Variants in TBC1D10A observed in about 807,000 individuals in gnomAD.
TBC1D10A encodes EBP50-PDX interactor of 64 kDa.
Under a neutral mutation model 52.9 loss-of-function variants are expected in TBC1D10A, and 24 were observed. The observed-to-expected ratio is 0.45, with a 90% CI of 0.33 to 0.64. TBC1D10A has a LOEUF of 0.64. Among genes scored for constraint, TBC1D10A ranks in the 30% least tolerant of loss-of-function variants. The probability of loss-of-function intolerance (pLI) is 0.02; values close to 1 mark genes in which losing one functional copy is unlikely to be tolerated. For synonymous variants in TBC1D10A, 278 were observed against 282.9 expected (o/e 0.98, Z 0.17); for missense variants, 602 against 687.9 (o/e 0.88, Z 1.40).
At chr22:30,295,320 G>A (rs1930053891) in intron 4 of TBC1D10A, among the ~76,000 whole-genome samples, 3 of 152,202 alleles carry the variant, frequency 2.0e-5, no homozygotes. Flanking sequence ...GCCAGGGCGG[G>A]ATGTAAAGCT....
chr22:30,300,130 C>T (rs1930171027), intron 2 of TBC1D10A, among the ~76,000 whole-genome samples: 1 of 151,812 alleles, frequency 6.6e-6, no homozygotes, highest in Non-Finnish European at 1.5e-5. Flanking sequence ...ATTCCAGACC[C>T]TCATAACTAT....
chr22:30,307,383 C>T (rs1930330238), intron 1 of TBC1D10A, among the ~76,000 whole-genome samples: 1 of 152,204 alleles, frequency 6.6e-6, no homozygotes, highest in Non-Finnish European at 1.5e-5. Context: ...TGCTGGAACT[C>T]CTCCAGGGAT....
At chr22:30,310,660 C>T (rs1233663159) in intron 1 of TBC1D10A, among the ~76,000 whole-genome samples, 1 of 152,112 alleles carries the variant, frequency 6.6e-6, no homozygotes, top group African/African-American at 2.4e-5. Flanking sequence ...CGTGTACTAG[C>T]TCTGCCAAGC....
chr22:30,313,500 C>T (rs952484190), intron 1 of TBC1D10A, among the ~76,000 whole-genome samples: 2 of 151,140 alleles, frequency 1.3e-5, no homozygotes, highest in African/African-American at 4.9e-5. Flanking sequence ...TCTCCTGCCT[C>T]AGCCTCCTGA....
chr22:30,312,482 C>T (rs761535262), intron 1 of TBC1D10A, among the ~76,000 whole-genome samples: 15 of 152,210 alleles, frequency 9.9e-5, no homozygotes, highest in Non-Finnish European at 2.1e-4. Context: ...ATGATTGTGC[C>T]ACTGCACCCT....
chr22:30,317,557 T>A (rs927624306), intron 1 of TBC1D10A, among the ~76,000 whole-genome samples: 1 of 152,162 alleles, frequency 6.6e-6, no homozygotes, highest in African/African-American at 2.4e-5. Flanking sequence ...CTAATCCAAT[T>A]ATCTCATTTG....
chr22:30,299,264 C>T, intron 3 of TBC1D10A, 180 bp downstream of exon 3: 1 of 603,922 alleles, frequency 1.7e-6, no homozygotes, highest in Non-Finnish European at 2.9e-6. Flanking sequence ...CTCCAGGAGA[C>T]ACAGGTACCC....
intron 1 of TBC1D10A, among the ~76,000 whole-genome samples, chr22:30,306,051 C>G (rs1406947761): frequency 1.3e-5 from 2 of 152,160 alleles, no homozygotes; most frequent in African/African-American, 4.8e-5. Context: ...CCGGGCAACC[C>G]CCAAACATCC....
intron 3 of TBC1D10A, chr22:30,298,570 A>T (rs1930134005): frequency 6.6e-6 from 1 of 152,380 alleles, no homozygotes; most frequent in East Asian, 1.9e-4. Flanking sequence ...GTCAACAAAG[A>T]GCTGGTGGTA....
At chr22:30,292,902 C>T (rs1441783119) in intron 8 of TBC1D10A, 51 bp from the exon 9 acceptor site, 1 of 1,591,530 alleles carries the variant, frequency 6.3e-7, no homozygotes, top group Non-Finnish European at 8.6e-7. Context: ...AGGACCTTCC[C>T]CTTCTGCCTC....
chr22:30,292,390 C>T lies in TBC1D10A; in HGVS notation c.1512G>A (p.Glu504=). The change falls in exon 9 of 9, where the codon GAG becomes GAA. Residue 504 remains glutamate (E), a synonymous_variant. Transcript: ENST00000215790. The stretch of plus-strand genomic sequence containing the variant: ...GCTGCCAGGGTTACAAGTAGGTGTC[C>T]TCACTCTCTTGGGACGTCAAGCTCT... ...SQESLTSQES[E]DTYL 1.3e-6 allele frequency: 2 copies of T among 1,553,716 alleles called. No homozygotes were observed. The highest frequency in any genetic ancestry group is 1.7e-6 in the Non-Finnish European group (2 of 1,149,490).
chr22:30,317,244 CT>C, intron 1 of TBC1D10A, among the ~76,000 whole-genome samples: 1 of 152,142 alleles, frequency 6.6e-6, no homozygotes, highest in African/African-American at 2.4e-5. Flanking sequence ...CCTGTCTCTA[CT>C]AAAAATGCAA....
At chr22:30,303,334 CAGACAGAT>C (rs1039594591) in intron 2 of TBC1D10A, among the ~76,000 whole-genome samples, 5 of 152,120 alleles carry the variant, frequency 3.3e-5, no homozygotes, top group African/African-American at 9.7e-5. Flanking sequence ...GACAGACAGA[CAGACAGAT>C]AGATAGACAG....
At chr22:30,324,706 GCTGTGC>G (rs1239647210) in intron 1 of TBC1D10A, among the ~76,000 whole-genome samples, 2 of 152,158 alleles carry the variant, frequency 1.3e-5, no homozygotes, top group Non-Finnish European at 2.9e-5. Context: ...TGTGACAAGC[GCTGTGC>G]CAGGCACCTT....
intron 2 of TBC1D10A, among the ~76,000 whole-genome samples, chr22:30,303,306 T>TAGATAGACAGACAGAC (rs139722034): frequency 7.3e-4 from 109 of 149,020 alleles, no homozygotes; most frequent in Admixed American, 2.3e-3. Flanking sequence ...GATAGATAGA[T>TAGATAGACAGACAGAC]AGACAGACAG....
intron 4 of TBC1D10A, 59 bp downstream of exon 4, chr22:30,295,678 G>C (rs1930062571): frequency 1.3e-6 from 2 of 1,546,346 alleles, no homozygotes; most frequent in Non-Finnish European, 1.8e-6. Flanking sequence ...TACCTCCTTA[G>C]ACCCCTTAGA....
chr22:30,326,717 G>C lies in TBC1D10A; in HGVS notation c.165C>G (p.Ile55Met). The change falls in exon 1 of 9, where the codon ATC (isoleucine) becomes ATG (methionine). Residue 55 changes from isoleucine to methionine, a missense_variant. Physicochemically the swap from Ile to Met is conservative, Grantham distance 10. This residue lies in a region of TBC1D10A where 201 missense variants were observed against 204.4 expected (regional missense o/e 0.98). Coordinates refer to ENST00000215790, the MANE Select transcript of TBC1D10A (RefSeq NM_031937.3). The part of the protein sequence containing the change: ...SEANGFAERR[I>M]DKFGFIVGSQ... Reference sequence around the variant, plus strand: ...AGCCCACGATGAAGCCGAACTTGTCGATGCGGCGCTCGGCGAAGCCGTTGG... The same window carrying C: ...AGCCCACGATGAAGCCGAACTTGTCCATGCGGCGCTCGGCGAAGCCGTTGG... 2 of 1,543,152 alleles carry C rather than the reference G, an allele frequency of 1.3e-6. No individual in the cohort carries two copies. Among genetic ancestry groups the C allele is most frequent in the Non-Finnish European group, 1.7e-6 (2 of 1,143,456 alleles).
intron 1 of TBC1D10A, among the ~76,000 whole-genome samples, chr22:30,312,684 A>AC (rs1569163193): frequency 6.6e-6 from 1 of 151,968 alleles, no homozygotes; most frequent in African/African-American, 2.4e-5. Context: ...ATAGGCCCCT[A>AC]CCCCTGAGCC....
At chr22:30,295,603 CA>C (rs1211839003) in intron 4 of TBC1D10A, 133 bp downstream of exon 4, 20 of 850,616 alleles carry the variant, frequency 2.4e-5, no homozygotes, top group Non-Finnish European at 3.3e-5. Flanking sequence ...AGACTCAAAC[CA>C]AAAAAAGGGA....
Sources: allele counts gnomAD v4.1 joint callset (sites outside exome capture counted in the v4.1 genomes callset), GRCh38; gene constraint gnomAD v4.1.1; regional missense constraint gnomAD v4.1.1; transcripts MANE v1.5; gene names NCBI Gene and HGNC (gene_info 2026-07-23, HGNC 2026-07-21).